Variants in THADA observed in about 807,000 individuals in gnomAD.
The protein encoded by THADA is tRNA (32-2'-O)-methyltransferase regulator THADA.
Under a neutral mutation model 219.8 loss-of-function variants are expected in THADA, and 213 were observed. That is an observed-to-expected ratio of 0.97 (90% CI 0.87 to 1.09). The LOEUF is 1.09. Ranked by LOEUF, THADA falls within the 50% of genes least tolerant of loss-of-function variation. THADA has a pLI of 0.00. For missense variants in THADA, 2,956 were observed against 2,311.3 expected, an observed-to-expected ratio of 1.28 and a Z score of -5.72; for synonymous variants, 1,018 against 828.9, an observed-to-expected ratio of 1.23 and a Z score of -3.92.
At chr2:43,569,243 C>T (rs956700044) in intron 14 of THADA, among the ~76,000 whole-genome samples, 4 of 152,194 alleles carry the variant, frequency 2.6e-5, no homozygotes, top group African/African-American at 9.7e-5. Context: ...TCCCAAAGTG[C>T]TGAGATTATA....
rs1218882447 is a variant in THADA at position 43,232,754 on chromosome 2, C to T, written c.5425G>A (p.Glu1809Lys). ...LPILLGWLLG[E>K]SDDLVACVES... ...ACACAGGCCACGAGGTCATCACTCT[C>T]TCCCAACAGCCATCCCAGCAGGATG... is the stretch of plus-strand genomic sequence containing the variant. Residue 1809 changes from glutamate (E) to lysine (K), a missense_variant, in exon 37 of 38, where the codon GAG becomes AAG. By Grantham distance (56) the Glu-to-Lys change is moderately conservative (BLOSUM62 1). Coordinates refer to ENST00000405975, the MANE Select transcript of THADA (RefSeq NM_022065.5). 7 of 1,613,806 alleles carry T rather than the reference C, an allele frequency of 4.3e-6. No homozygotes were observed. The highest frequency in any genetic ancestry group is 2.7e-5 in the African/African-American group (2 of 74,940).
intron 28 of THADA, among the ~76,000 whole-genome samples, chr2:43,423,396 C>G (rs72881005): frequency 0.062 from 9,419 of 151,960 alleles, 831 homozygotes; most frequent in African/African-American, 0.2. Context: ...CTTTTGACTT[C>G]ATATACCTAC....
intron 10 of THADA, 41 bp from the exon 11 acceptor site, chr2:43,575,068 T>A: frequency 7.2e-7 from 1 of 1,384,488 alleles, no homozygotes; most frequent in Non-Finnish European, 9.8e-7. Context: ...GTAAACTGAT[T>A]AGTAAAAGAA....
At chr2:43,245,205 C>T (rs1161066311) in intron 36 of THADA, among the ~76,000 whole-genome samples, 3 of 91,590 alleles carry the variant, frequency 3.3e-5, no homozygotes, top group African/African-American at 5.5e-5. Context: ...CGGAGTCTTG[C>T]TCTGTCGCCC....
At chr2:43,297,630 C>G (rs1281294654) in intron 31 of THADA, among the ~76,000 whole-genome samples, 12 of 103,380 alleles carry the variant, frequency 1.2e-4, no homozygotes, top group African/African-American at 5.3e-5. Context: ...CCAGCCCCCC[C>G]GTCCGGGAGG....
intron 29 of THADA, among the ~76,000 whole-genome samples, chr2:43,364,957 C>CTTTTT (rs111298149): frequency 7.4e-6 from 1 of 135,938 alleles, no homozygotes. Flanking sequence ...TTAATCTCAT[C>CTTTTT]TTTTTTTTTT....
intron 36 of THADA, among the ~76,000 whole-genome samples, chr2:43,255,319 C>G (rs970954816): frequency 6.6e-6 from 1 of 152,190 alleles, no homozygotes; most frequent in Non-Finnish European, 1.5e-5. Context: ...GAAAACTGTT[C>G]ATTGTTAAAT....
chr2:43,308,007 A>G (rs1042385270), intron 31 of THADA, among the ~76,000 whole-genome samples: 1 of 152,050 alleles, frequency 6.6e-6, no homozygotes, highest in African/African-American at 2.4e-5. Context: ...CACAAATGAA[A>G]CTTCTAGAGA....
chr2:43,454,975 T>C (rs921898306), intron 26 of THADA, among the ~76,000 whole-genome samples: 7 of 152,144 alleles, frequency 4.6e-5, no homozygotes, highest in Non-Finnish European at 7.4e-5. Context: ...TGACGAGTCT[T>C]GGGGTGAATC....
chr2:43,247,644 G>T (rs187788573), intron 36 of THADA, among the ~76,000 whole-genome samples: 1 of 145,228 alleles, frequency 6.9e-6, no homozygotes, highest in Non-Finnish European at 1.5e-5. Context: ...CACGAGAATC[G>T]CTTGAACCCA....
rs759911877 is a variant in THADA, at chr2:43,570,525, G to C, written c.2065-15C>G. ...CTACAAAACAACTTTTGAAACAAAG[G>C]AAATGAAGCACAGGTGAGCCACACA... On this transcript the variant is annotated splice_polypyrimidine_tract_variant and intron_variant, in intron 13 of 37. Transcript: ENST00000405975. 3.1e-6 allele frequency: 5 copies of C among 1,602,166 alleles called. No homozygotes were observed. The highest frequency in any genetic ancestry group is 8.5e-7 in the Non-Finnish European group (1 of 1,176,434).
chr2:43,307,724 G>T (rs932531877), intron 31 of THADA, among the ~76,000 whole-genome samples: 2 of 151,492 alleles, frequency 1.3e-5, no homozygotes, highest in African/African-American at 4.9e-5. Context: ...CTAAAACAAA[G>T]TCCAACACTT....
At chr2:43,560,969 C>G (rs2103940568) in intron 15 of THADA, among the ~76,000 whole-genome samples, 1 of 148,596 alleles carries the variant, frequency 6.7e-6, no homozygotes, top group African/African-American at 2.5e-5. Flanking sequence ...GTGAGCTGAG[C>G]TCATGTCAGT....
chr2:43,575,840 C>T (rs1699799530), intron 10 of THADA, among the ~76,000 whole-genome samples: 2 of 152,090 alleles, frequency 1.3e-5, no homozygotes, highest in Admixed American at 1.3e-4. Flanking sequence ...CCGGCCTACA[C>T]ATGTAATTTA....
At chr2:43,292,062 A>G in intron 33 of THADA, 42 bp downstream of exon 33, 1 of 1,351,394 alleles carries the variant, frequency 7.4e-7, no homozygotes, top group African/African-American at 1.4e-5. Context: ...TGATGGGACC[A>G]TACATCTTAC....
At chr2:43,590,771 T>C in intron 4 of THADA, 53 bp downstream of exon 4, 1 of 1,590,912 alleles carries the variant, frequency 6.3e-7, no homozygotes, top group Non-Finnish European at 8.6e-7. Context: ...TTCAGTTACT[T>C]TTGGTCAAAT....
intron 31 of THADA, among the ~76,000 whole-genome samples, chr2:43,314,553 T>C (rs1376251172): frequency 6.6e-6 from 1 of 152,224 alleles, no homozygotes; most frequent in African/African-American, 2.4e-5. Context: ...TTAGATAGTA[T>C]TTCTGTAAAC....
chr2:43,324,198 T>A (rs1181081304), intron 30 of THADA, among the ~76,000 whole-genome samples: 3 of 152,232 alleles, frequency 2.0e-5, no homozygotes, highest in African/African-American at 7.2e-5. Flanking sequence ...TAAGTTAGCA[T>A]ATTTTTAAAA....
At chr2:43,578,844 C>T (rs17031084) in intron 8 of THADA, among the ~76,000 whole-genome samples, 4,434 of 152,188 alleles carry the variant, frequency 0.029, 226 homozygotes, top group African/African-American at 0.1. Context: ...TGAACATAAA[C>T]GCTTTTTAGA....
Sources: allele counts gnomAD v4.1 joint callset (sites outside exome capture counted in the v4.1 genomes callset), GRCh38; gene constraint gnomAD v4.1.1; transcripts MANE v1.5; gene names NCBI Gene and HGNC (gene_info 2026-07-23, HGNC 2026-07-21).